Variants in NT5DC3 observed in about 807,000 individuals in gnomAD.
The protein encoded by NT5DC3 is 5'-nucleotidase domain-containing protein 3.
Under a neutral mutation model 67.8 loss-of-function variants are expected in NT5DC3, and 42 were observed. That is an observed-to-expected ratio of 0.62 (90% CI 0.48 to 0.80). The LOEUF (loss-of-function observed/expected upper bound fraction) is 0.80. NT5DC3 is among the 30% of genes least tolerant of loss of function. The pLI is 0.00. For synonymous variants in NT5DC3, 237 were observed against 255.6 expected, an observed-to-expected ratio of 0.93 and a Z score of 0.69; for missense variants, 570 against 696.4, an observed-to-expected ratio of 0.82 and a Z score of 2.04.
At chr12:103,826,798 ATCTG>A (rs1004608884) in intron 1 of NT5DC3, among the ~76,000 whole-genome samples, 7 of 152,248 alleles carry the variant, frequency 4.6e-5, no homozygotes, top group East Asian at 1.9e-4. Flanking sequence ...AGATTTAAGA[ATCTG>A]TCTATTAATC....
At chr12:103,801,571 C>T (rs926232297) in intron 4 of NT5DC3, among the ~76,000 whole-genome samples, 8 of 151,702 alleles carry the variant, frequency 5.3e-5, no homozygotes, top group African/African-American at 1.2e-4. Flanking sequence ...TTAGGAGAGA[C>T]GGGGTTTCAC....
chr12:103,761,424 G>A, the NT5DC3 span: 3 of 1,611,148 alleles, frequency 1.9e-6, no homozygotes, highest in African/African-American at 1.3e-5. Context: ...AGTATCTAGG[G>A]TCCCTGATAA....
chr12:103,811,000 G>C (rs1347357513), intron 2 of NT5DC3, among the ~76,000 whole-genome samples: 1 of 152,216 alleles, frequency 6.6e-6, no homozygotes, highest in Non-Finnish European at 1.5e-5. Flanking sequence ...CACTATGCTA[G>C]AGTAAAATGA....
chr12:103,791,146 C>T (rs1886039792), intron 9 of NT5DC3, among the ~76,000 whole-genome samples: 1 of 152,090 alleles, frequency 6.6e-6, no homozygotes, highest in South Asian at 2.1e-4. Flanking sequence ...TCAGCTCTTA[C>T]CCTAGGCTTC....
At chr12:103,781,676 A>T (rs1237220797) in intron 12 of NT5DC3, among the ~76,000 whole-genome samples, 2 of 152,192 alleles carry the variant, frequency 1.3e-5, no homozygotes, top group Non-Finnish European at 2.9e-5. Context: ...TACAAGGCCA[A>T]ACTCCATAAA....
In NT5DC3 at chr12:103,773,781, G is replaced by A. The variant is rs542449940; in HGVS notation, c.*4048C>T. 8 of 152,654 alleles carry A rather than the reference G, an allele frequency of 5.2e-5. No homozygotes were observed. The East Asian group carries it at 1.5e-3, about 29-fold the overall frequency. 9.5% of individuals were successfully genotyped at this position (152,654 alleles called of 1,614,324 possible). A position where few individuals can be genotyped will look rare whatever the true frequency, so the allele number is the denominator to read the frequency against. ...TGCTGCTTAAAAGGCCTTTTGAGAAGAGGACAGAAGAAAAGCCACTTAGTT... is the reference window on the plus strand; with the variant it reads ...TGCTGCTTAAAAGGCCTTTTGAGAAAAGGACAGAAGAAAAGCCACTTAGTT... On this transcript the variant is annotated 3_prime_UTR_variant, in exon 14 of 14. Coordinates refer to ENST00000392876, the MANE Select transcript of NT5DC3 (RefSeq NM_001031701.3).
At chr12:103,825,014 G>A (rs1887633105) in intron 1 of NT5DC3, among the ~76,000 whole-genome samples, 1 of 152,182 alleles carries the variant, frequency 6.6e-6, no homozygotes, top group Admixed American at 6.5e-5. Context: ...ACAGGCAGTG[G>A]GGAAGACCAA....
At chr12:103,796,813 A>C in intron 6 of NT5DC3, 81 bp downstream of exon 6, 2 of 1,458,540 alleles carry the variant, frequency 1.4e-6, no homozygotes, top group Non-Finnish European at 1.9e-6. Context: ...CCTAACCTAG[A>C]AAGGAGGTTC....
chr12:103,746,501 A>G, the NT5DC3 span: 1 of 1,130,970 alleles, frequency 8.8e-7, no homozygotes, highest in African/African-American at 1.5e-5. Flanking sequence ...TTATGAACAC[A>G]GTGGTCGTCC....
chr12:103,810,762 T>C lies in NT5DC3; in HGVS notation c.394-3833A>G, dbSNP rs571851677. On this transcript the variant is annotated intron_variant, in intron 2 of 13. Coordinates refer to ENST00000392876, the MANE Select transcript of NT5DC3 (RefSeq NM_001031701.3). ...CAAAATGCAGCAGCGAACCCAGGAC[T>C]TCTCCATGTGTGCCTATTTCCTACA... Among the ~76,000 whole-genome samples the C allele has an allele frequency of 2.6e-5, 4 of 152,306 alleles. No individual in the cohort carries two copies. In the South Asian group the frequency reaches 8.3e-4, roughly 32 times the overall value.
At chr12:103,764,129 T>C in the NT5DC3 span, among the ~76,000 whole-genome samples, 1 of 152,130 alleles carries the variant, frequency 6.6e-6, no homozygotes, top group African/African-American at 2.4e-5. Flanking sequence ...AACTTTGTAT[T>C]GTTAATACAG....
the NT5DC3 span, chr12:103,759,272 C>A: frequency 1.2e-6 from 2 of 1,613,924 alleles, no homozygotes; most frequent in East Asian, 2.2e-5. Flanking sequence ...CCACTCCAAC[C>A]GGTACAAAGT....
the NT5DC3 span, among the ~76,000 whole-genome samples, chr12:103,749,876 G>A: frequency 2.7e-5 from 3 of 109,846 alleles, no homozygotes; most frequent in East Asian, 8.4e-4. Flanking sequence ...AAAAAAAGCT[G>A]GTAAGATGTG....
intron 1 of NT5DC3, among the ~76,000 whole-genome samples, chr12:103,818,882 A>G (rs1887375503): frequency 1.3e-5 from 2 of 152,192 alleles, no homozygotes; most frequent in South Asian, 2.1e-4. Flanking sequence ...TCTGAATACG[A>G]CCACGTGGCA....
intron 1 of NT5DC3, among the ~76,000 whole-genome samples, chr12:103,815,478 G>A (rs951224812): frequency 1.3e-5 from 2 of 152,226 alleles, no homozygotes; most frequent in Non-Finnish European, 2.9e-5. Flanking sequence ...CTGGAGTGCA[G>A]TGGCACAATC....
intron 9 of NT5DC3, among the ~76,000 whole-genome samples, chr12:103,791,350 C>T (rs1416340471): frequency 3.3e-5 from 5 of 152,068 alleles, no homozygotes; most frequent in Non-Finnish European, 7.4e-5. Context: ...ATGGTGAGGG[C>T]ATCATATCAG....
intron 4 of NT5DC3, among the ~76,000 whole-genome samples, chr12:103,803,025 G>A (rs1358736672): frequency 2.6e-5 from 4 of 152,000 alleles, no homozygotes; most frequent in Non-Finnish European, 4.4e-5. Flanking sequence ...AAGAACCCAG[G>A]AGAGAAGGGG....
the NT5DC3 span, chr12:103,762,346 G>A: frequency 1.9e-6 from 3 of 1,614,086 alleles, no homozygotes; most frequent in African/African-American, 4.0e-5. Flanking sequence ...TGTTGCCTTG[G>A]CTGCTTACTC....
downstream of NT5DC3, among the ~76,000 whole-genome samples, chr12:103,770,153 A>G (rs1885148762): frequency 6.6e-6 from 1 of 152,250 alleles, no homozygotes; most frequent in African/African-American, 2.4e-5. Flanking sequence ...CTACACTTCC[A>G]TTCACTGAAA....
Sources: gnomAD v4.1 joint callset for allele counts (sites outside exome capture counted in the v4.1 genomes callset) on GRCh38, gnomAD v4.1.1 for gene constraint, MANE v1.5 for transcripts, NCBI Gene and HGNC (gene_info 2026-07-23, HGNC 2026-07-21) for gene names.